The following PALM2AKAP2 variants were observed in gnomAD, a reference collection of about 807,000 sequenced individuals.
PALM2AKAP2 encodes the protein PALM2-AKAP2 fusion protein.
PALM2AKAP2 carries 37 observed loss-of-function variants against 71.5 expected under a neutral mutation model. The ratio of observed to expected loss-of-function variants is 0.52; its 90% CI spans 0.40 to 0.68. The LOEUF is 0.68. PALM2AKAP2 is among the 30% of genes least tolerant of loss of function. PALM2AKAP2 has a pLI of 0.00. For missense variants in PALM2AKAP2, 1,224 were observed against 1,191.8 expected (o/e 1.03, Z -0.40); for synonymous variants, 468 against 478.8 (o/e 0.98, Z 0.29).
intron 1 of PALM2AKAP2, among the ~76,000 whole-genome samples, chr9:109,866,080 TATC>T (rs1482100381): frequency 6.6e-6 from 1 of 152,258 alleles, no homozygotes; most frequent in Non-Finnish European, 1.5e-5. Context: ...GTGACTTAGA[TATC>T]ATATTCTAGT....
chr9:109,920,268 A>G (rs980945564), intron 3 of PALM2AKAP2, among the ~76,000 whole-genome samples: 1 of 152,164 alleles, frequency 6.6e-6, no homozygotes, highest in African/African-American at 2.4e-5. Flanking sequence ...ATAAGCCTAG[A>G]GCAAATCACA....
chr9:110,098,983 T>C (rs1380518191), intron 1 of PALM2AKAP2, among the ~76,000 whole-genome samples: 1 of 152,240 alleles, frequency 6.6e-6, no homozygotes, highest in African/African-American at 2.4e-5. Flanking sequence ...ATTTTTTCAG[T>C]TAAGTGATTA....
rs541882842 is a variant in PALM2AKAP2 at position 109,867,577 on chromosome 9, C to T, written c.126+6C>T. The T allele has an allele frequency of 7.9e-5, 128 of 1,611,542 alleles. No homozygotes were observed. The East Asian group carries it at 8.3e-4, about 10-fold the overall frequency. On this transcript the variant is annotated splice_donor_region_variant and intron_variant, in intron 2 of 9. Transcript: ENST00000302798. ...TTCTGCTGCAGCATTCCAAGGTAAG[C>T]AGCTGATCCCAGGAACCTATTCCAT...
At chr9:109,759,098 A>C (rs896794392) in intron 1 of PALM2AKAP2, among the ~76,000 whole-genome samples, 2 of 152,098 alleles carry the variant, frequency 1.3e-5, no homozygotes, top group Admixed American at 6.6e-5. Flanking sequence ...AGTTATATTG[A>C]AATAGAACAT....
chr9:109,799,581 C>A (rs1827361185), intron 1 of PALM2AKAP2, among the ~76,000 whole-genome samples: 1 of 152,186 alleles, frequency 6.6e-6, no homozygotes. Context: ...GCAGTCTTGA[C>A]CACCTGCGCT....
At chr9:109,691,889 TATATATATATATAC>T (rs1827898023) in intron 1 of PALM2AKAP2, among the ~76,000 whole-genome samples, 12 of 68,744 alleles carry the variant, frequency 1.7e-4, no homozygotes, top group African/African-American at 5.2e-4. Flanking sequence ...CACATATATA[TATATATATATATAC>T]ACACACACAT....
chr9:109,858,075 T>A (rs1829215198), intron 1 of PALM2AKAP2, among the ~76,000 whole-genome samples: 1 of 152,230 alleles, frequency 6.6e-6, no homozygotes. Context: ...AGGTGATGTG[T>A]TAGTTCCATC....
At chr9:109,791,804 C>T (rs928395702) in intron 1 of PALM2AKAP2, among the ~76,000 whole-genome samples, 8 of 152,184 alleles carry the variant, frequency 5.3e-5, no homozygotes, top group Admixed American at 6.5e-5. Flanking sequence ...CCAGGGTCTC[C>T]TGCTTTTCCA....
intron 7 of PALM2AKAP2, chr9:110,025,477 T>A: frequency 1.6e-6 from 1 of 624,408 alleles, no homozygotes; most frequent in Non-Finnish European, 2.8e-6. Context: ...ATTCTTGCTA[T>A]GAATAGTTGC....
At chr9:109,722,494 A>G (rs1199957556) in intron 1 of PALM2AKAP2, among the ~76,000 whole-genome samples, 2 of 152,232 alleles carry the variant, frequency 1.3e-5, no homozygotes, top group Non-Finnish European at 2.9e-5. Context: ...AATAGGAGCT[A>G]GGCGAGATGC....
chr9:109,648,730 T>C (rs919533481), intron 1 of PALM2AKAP2, among the ~76,000 whole-genome samples: 7 of 152,186 alleles, frequency 4.6e-5, no homozygotes, highest in Admixed American at 4.6e-4. Flanking sequence ...TAGTCTTGGA[T>C]CTAAATGCAG....
chr9:109,848,417 T>A (rs949105575), intron 1 of PALM2AKAP2, among the ~76,000 whole-genome samples: 12 of 152,204 alleles, frequency 7.9e-5, no homozygotes, highest in Admixed American at 3.3e-4. Context: ...TTTGTGAGAC[T>A]TACTGTTTTC....
At chr9:109,827,162 G>T (rs1245241907) in intron 1 of PALM2AKAP2, among the ~76,000 whole-genome samples, 2 of 152,144 alleles carry the variant, frequency 1.3e-5, no homozygotes, top group South Asian at 2.1e-4. Flanking sequence ...CTATAATGTG[G>T]CATGCATGTA....
At chr9:109,666,064 G>A (rs1587859596) in intron 1 of PALM2AKAP2, among the ~76,000 whole-genome samples, 2 of 152,318 alleles carry the variant, frequency 1.3e-5, no homozygotes, top group East Asian at 1.9e-4. Flanking sequence ...TATTTGGGCG[G>A]GAGTGTCCTG....
chr9:110,067,494 T>A (rs1002385270), intron 1 of PALM2AKAP2, among the ~76,000 whole-genome samples: 1 of 152,192 alleles, frequency 6.6e-6, no homozygotes, highest in South Asian at 2.1e-4. Flanking sequence ...GAATGCATTA[T>A]TAGCCAGAAG....
chr9:109,944,672 A>G (rs958922009), intron 6 of PALM2AKAP2: 7 of 152,220 alleles, frequency 4.6e-5, no homozygotes, highest in Non-Finnish European at 1.0e-4. Flanking sequence ...TGAGCTTCTT[A>G]GGGCATTGTT....
intron 1 of PALM2AKAP2, among the ~76,000 whole-genome samples, chr9:110,069,991 C>T (rs1183930042): frequency 6.6e-6 from 1 of 152,190 alleles, no homozygotes; most frequent in African/African-American, 2.4e-5. Flanking sequence ...AGGGAGGCTG[C>T]TTGCTAAGTA....
intron 1 of PALM2AKAP2, among the ~76,000 whole-genome samples, chr9:109,706,663 T>A (rs1828149980): frequency 6.6e-6 from 1 of 152,208 alleles, no homozygotes; most frequent in East Asian, 1.9e-4. Context: ...AACACAAATG[T>A]CTGTCAATGG....
At chr9:110,101,650 T>G (rs1262670171) in intron 1 of PALM2AKAP2, among the ~76,000 whole-genome samples, 2 of 152,126 alleles carry the variant, frequency 1.3e-5, no homozygotes, top group Non-Finnish European at 2.9e-5. Flanking sequence ...CTGGACATCA[T>G]TGGGCAGCTG....
Sources: gnomAD v4.1 joint callset for allele counts (sites outside exome capture counted in the v4.1 genomes callset) on GRCh38, gnomAD v4.1.1 for gene constraint, MANE v1.5 for transcripts, NCBI Gene and HGNC (gene_info 2026-07-23, HGNC 2026-07-21) for gene names.